AGPS: variants seen among roughly 807,000 people sequenced by gnomAD.
AGPS encodes the protein alkyldihydroxyacetonephosphate synthase, peroxisomal.
Under a neutral mutation model 90.7 loss-of-function variants are expected in AGPS, and 26 were observed. The observed-to-expected ratio is 0.29, with a 90% CI of 0.21 to 0.40. AGPS has a LOEUF of 0.40. Among genes scored for constraint, AGPS ranks in the 10% least tolerant of loss-of-function variants. The pLI is 1.00. For missense variants in AGPS, 540 were observed against 816.1 expected (o/e 0.66, Z 4.12); for synonymous variants, 294 against 285.3 (o/e 1.03, Z -0.31).
chr2:177,407,374 T>A (rs947373058), intron 1 of AGPS, among the ~76,000 whole-genome samples: 2 of 152,212 alleles, frequency 1.3e-5, no homozygotes, highest in African/African-American at 2.4e-5. Flanking sequence ...AGAGGTTTAA[T>A]TAATTCACGG....
chr2:177,509,448 C>T lies in AGPS; in HGVS notation c.1607+1417C>T, dbSNP rs537375928. Among the ~76,000 whole-genome samples, 26 of 152,184 alleles carry T rather than the reference C, an allele frequency of 1.7e-4. 1 individual carries two copies. In the South Asian group the frequency reaches 5.0e-3, roughly 29 times the overall value. On this transcript the variant is annotated intron_variant, in intron 16 of 19. Transcript: ENST00000264167. The stretch of plus-strand genomic sequence containing the variant: ...TTGGGAGGCCGAGACGGGCAGATCA[C>T]GAGGTCAGGAGATCGAGACCATCCT...
Position 177,435,382 on chromosome 2 carries a change from TTC to T in AGPS, c.441+975_441+976del, listed in dbSNP as rs773008320. ...TCCTAGACGTCTCTTATCTCTTAAA[TTC>T]TCTCTCTCTTTTGATCTCTTGACTA... On this transcript the variant is annotated intron_variant, in intron 3 of 19. Transcript: ENST00000264167. Among the ~76,000 whole-genome samples, 4 of 152,228 alleles carry T rather than the reference TTC, an allele frequency of 2.6e-5. No homozygotes were observed. In the East Asian group the frequency reaches 7.7e-4, roughly 29 times the overall value.
intron 1 of AGPS, among the ~76,000 whole-genome samples, chr2:177,394,025 T>G (rs1685098708): frequency 6.6e-6 from 1 of 152,208 alleles, no homozygotes; most frequent in South Asian, 2.1e-4. Context: ...ATGAATAAAT[T>G]AAGTCTGCTG....
In AGPS at chr2:177,540,152, C is replaced by G. The variant is rs564760814; in HGVS notation, c.*1957C>G. On this transcript the variant is annotated 3_prime_UTR_variant, in exon 20 of 20. Transcript: ENST00000264167. ...AACAGGTTAATAAGAAGATCCATTC[C>G]TTTGCATGTGATTGTTATAACATTC... 16 of 150,024 alleles carry G rather than the reference C, an allele frequency of 1.1e-4. No homozygotes were observed. The highest frequency in any genetic ancestry group is 3.9e-4 in the African/African-American group (16 of 40,832). The allele number at this position is 150,024 out of a possible 1,614,324, so 9.3% of individuals were successfully genotyped here.
chr2:177,450,307 A>C (rs1306936099), intron 8 of AGPS, among the ~76,000 whole-genome samples: 1 of 152,024 alleles, frequency 6.6e-6, no homozygotes, highest in Non-Finnish European at 1.5e-5. Flanking sequence ...AGCTGTGTTT[A>C]ATTTTTATGA....
intron 14 of AGPS, among the ~76,000 whole-genome samples, chr2:177,502,501 A>C (rs1688589354): frequency 6.8e-6 from 1 of 146,360 alleles, no homozygotes; most frequent in South Asian, 2.1e-4. Flanking sequence ...CTGTAGCCTC[A>C]GCCTCCCTGG....
chr2:177,434,390 A>C lies in AGPS; in HGVS notation c.414A>C (p.Val138=), dbSNP rs748300962. Reference sequence around the variant, plus strand: ...AATGGATCCAAAATACCCTTGGAGTAAATGTGGAGCATAAAACTACCTCTA... The same window carrying C: ...AATGGATCCAAAATACCCTTGGAGTCAATGTGGAGCATAAAACTACCTCTA... ...FKEWIQNTLG[V]NVEHKTTSKA... The change falls in exon 3 of 20, where the codon GTA becomes GTC. Residue 138 remains valine (V), a synonymous_variant. Coordinates refer to ENST00000264167, the MANE Select transcript of AGPS (RefSeq NM_003659.4). 1 of 1,612,926 alleles carries C rather than the reference A, an allele frequency of 6.2e-7. No homozygotes were observed. Among genetic ancestry groups the C allele is most frequent in the East Asian group, 2.2e-5 (1 of 44,778 alleles).
In AGPS at chr2:177,534,863, T is replaced by C. The variant is rs530230674; in HGVS notation, c.1856-3211T>C. ...ATCTTCCCACCTCAGCCTCCCAAAA[T>C]GTTGGGATTACAAGCATGAGTCACT... On this transcript the variant is annotated intron_variant, in intron 19 of 19. Coordinates refer to ENST00000264167, the MANE Select transcript of AGPS (RefSeq NM_003659.4). 5.9e-5 allele frequency among the ~76,000 whole-genome samples: 9 copies of C among 152,190 alleles called. No individual in the cohort carries two copies. The South Asian group carries it at 1.9e-3, about 32-fold the overall frequency.
At chr2:177,496,871 T>C (rs1348149591) in intron 12 of AGPS, among the ~76,000 whole-genome samples, 4 of 152,084 alleles carry the variant, frequency 2.6e-5, no homozygotes, top group African/African-American at 7.2e-5. Flanking sequence ...CTTAAAGGCT[T>C]TTTTAAAAAA....
chr2:177,462,989 G>A (rs560857523), intron 9 of AGPS, among the ~76,000 whole-genome samples: 15 of 152,172 alleles, frequency 9.9e-5, no homozygotes, highest in African/African-American at 3.6e-4. Context: ...AGATGATTTC[G>A]TTTTTGCTAC....
In AGPS at chr2:177,392,781, G is replaced by C. The variant is rs1398483066; in HGVS notation, c.-9G>C. 7.4e-6 allele frequency: 11 copies of C among 1,483,148 alleles called. No individual in the cohort carries two copies. The highest frequency in any genetic ancestry group is 9.7e-6 in the Non-Finnish European group (11 of 1,130,788). 91.9% of individuals were successfully genotyped at this position (1,483,148 alleles called of 1,614,324 possible). On this transcript the variant is annotated 5_prime_UTR_variant, in exon 1 of 20. Transcript: ENST00000264167. ...CAGCGGTTCCGGGCGGCAGCACAAG[G>C]CGGTAGCCATGGCGGAGGCGGCGGC...
chr2:177,437,632 C>T (rs1280370229), intron 5 of AGPS, among the ~76,000 whole-genome samples: 1 of 152,126 alleles, frequency 6.6e-6, no homozygotes, highest in Non-Finnish European at 1.5e-5. Flanking sequence ...TTACCTATCT[C>T]TTTTAGCAGG....
chr2:177,439,345 C>T (rs559759000), intron 5 of AGPS, among the ~76,000 whole-genome samples: 7 of 152,164 alleles, frequency 4.6e-5, no homozygotes, highest in African/African-American at 1.2e-4. Flanking sequence ...GAGGGTAGTG[C>T]GAACAAGGAT....
At position 177,394,726 on chromosome 2, in the gene AGPS, C is replaced by T. The variant is rs143309079; in HGVS notation, c.260+1677C>T. On this transcript the variant is annotated intron_variant, in intron 1 of 19. Coordinates refer to ENST00000264167, the MANE Select transcript of AGPS (RefSeq NM_003659.4). ...CTTAACCTCTGAGAGTTTCAGTCAC[C>T]GTCATTTGTAAAAACGGGAACAGTA... Among the ~76,000 whole-genome samples, 18 of 152,180 alleles carry T rather than the reference C, an allele frequency of 1.2e-4. No homozygotes were observed. In the East Asian group the frequency reaches 2.5e-3, roughly 21 times the overall value.
chr2:177,436,642 A>G (rs1686419153), intron 3 of AGPS, 122 bp from the exon 4 acceptor site: 3 of 907,770 alleles, frequency 3.3e-6, no homozygotes, highest in Middle Eastern at 6.8e-4. Context: ...GTATTTTCCT[A>G]TGCTTCAGCC....
intron 10 of AGPS, among the ~76,000 whole-genome samples, chr2:177,470,240 G>A (rs1574394968): frequency 6.6e-6 from 1 of 152,154 alleles, no homozygotes; most frequent in Admixed American, 6.5e-5. Flanking sequence ...GCAGGTCTAG[G>A]AGCAGAATGG....
intron 11 of AGPS, among the ~76,000 whole-genome samples, chr2:177,487,431 T>C (rs1331191955): frequency 6.6e-6 from 1 of 152,164 alleles, no homozygotes; most frequent in East Asian, 1.9e-4. Context: ...TCTATCACTT[T>C]TATTTTAAAC....
At position 177,415,210 on chromosome 2, in the gene AGPS, A is replaced by G. The variant is rs536221435; in HGVS notation, c.261-5059A>G. ...TTCCACATTACTTACCTGCTTCTCT[A>G]GTGATGCCTCCAGCTACTCTTACAA... On this transcript the variant is annotated intron_variant, in intron 1 of 19. Coordinates refer to ENST00000264167, the MANE Select transcript of AGPS (RefSeq NM_003659.4). Among the ~76,000 whole-genome samples the G allele has an allele frequency of 7.1e-4, 108 of 152,244 alleles. No individual in the cohort carries two copies. In the Middle Eastern group the frequency reaches 0.01, roughly 14 times the overall value.
rs138267847 is a variant in AGPS at position 177,397,746 on chromosome 2, C to T, written c.260+4697C>T. Among the ~76,000 whole-genome samples, 620 of 152,204 alleles carry T rather than the reference C, an allele frequency of 4.1e-3. 5 individuals are homozygous for T. Among genetic ancestry groups the T allele is most frequent in the East Asian group, 0.032 (167 of 5,180 alleles). On this transcript the variant is annotated intron_variant, in intron 1 of 19. Coordinates refer to ENST00000264167, the MANE Select transcript of AGPS (RefSeq NM_003659.4). ...ATTTTAATAAAAAGCAGTATATTAA[C>T]GTCGGGCATGGTGACTCACACCCCA...
Sources: gnomAD v4.1 joint callset for allele counts (sites outside exome capture counted in the v4.1 genomes callset) on GRCh38, gnomAD v4.1.1 for gene constraint, MANE v1.5 for transcripts, NCBI Gene and HGNC (gene_info 2026-07-23, HGNC 2026-07-21) for gene names.